The following KIRREL3 variants were observed in gnomAD, a reference collection of about 807,000 sequenced individuals.
KIRREL3 encodes kin of IRRE-like protein 3.
Under a neutral mutation model 89.7 loss-of-function variants are expected in KIRREL3, and 36 were observed. That is an observed-to-expected ratio of 0.40 (90% CI 0.31 to 0.53). KIRREL3 has a LOEUF of 0.53. Ranked by LOEUF, KIRREL3 falls within the 20% of genes least tolerant of loss-of-function variation. The probability of loss-of-function intolerance (pLI) is 0.49; values close to 1 mark genes in which losing one functional copy is unlikely to be tolerated. For missense variants in KIRREL3, 864 were observed against 1,056.6 expected (o/e 0.82, Z 2.53); for synonymous variants, 445 against 441.4 (o/e 1.01, Z -0.10).
chr11:126,588,870 G>T (rs747680668), intron 1 of KIRREL3, among the ~76,000 whole-genome samples: 5 of 152,166 alleles, frequency 3.3e-5, no homozygotes, highest in Non-Finnish European at 7.3e-5. Context: ...CAAGTGAGCT[G>T]AGGTGGGAAG....
At chr11:126,971,449 T>C (rs1949422150) in intron 1 of KIRREL3, among the ~76,000 whole-genome samples, 1 of 152,188 alleles carries the variant, frequency 6.6e-6, no homozygotes, top group Non-Finnish European at 1.5e-5. Context: ...AGGGTTTTTA[T>C]GTTCTGTTCG....
Position 126,486,199 on chromosome 11 carries a change from C to A in KIRREL3, c.434-12733G>T, listed in dbSNP as rs111678473. On this transcript the variant is annotated intron_variant, in intron 4 of 16. Coordinates refer to ENST00000525144, the MANE Select transcript of KIRREL3 (RefSeq NM_032531.4). This position sits in a 1 kb window ranked among gnomAD's most constrained non-coding sequence, Gnocchi z 6.2. ...CTCAAGCAGACCAGTGTGCCTGTGC[C>A]GGCTCCAGATGACAGAGGGTGCTAC... 6.6e-6 allele frequency among the ~76,000 whole-genome samples: 1 copy of A among 152,050 alleles called. No homozygotes were observed. Among genetic ancestry groups the A allele is most frequent in the African/African-American group, 2.4e-5 (1 of 41,382 alleles).
At position 126,568,725 on chromosome 11, in the gene KIRREL3, C is replaced by T. The variant is rs1404069229; in HGVS notation, c.56-5813G>A. 6.6e-6 allele frequency among the ~76,000 whole-genome samples: 1 copy of T among 152,136 alleles called. No individual in the cohort carries two copies. The highest frequency in any genetic ancestry group is 1.9e-4 in the East Asian group (1 of 5,186). ...ACGGTAAGACCCTCCTCACATGATT[C>T]ATATGAAAAGCAAATGAGCCAACAC... On this transcript the variant is annotated intron_variant, in intron 1 of 16. Coordinates refer to ENST00000525144, the MANE Select transcript of KIRREL3 (RefSeq NM_032531.4). The surrounding 1 kb of genome is among the most constrained non-coding windows in gnomAD (Gnocchi z 4.6).
chr11:126,804,310 C>T (rs1052564057), intron 1 of KIRREL3, among the ~76,000 whole-genome samples: 3 of 152,200 alleles, frequency 2.0e-5, no homozygotes, highest in African/African-American at 7.2e-5. Context: ...CTGAAGATGA[C>T]CTTTTCCTGG....
intron 4 of KIRREL3, among the ~76,000 whole-genome samples, chr11:126,479,155 C>T (rs1957157946): frequency 6.6e-6 from 1 of 152,120 alleles, no homozygotes; most frequent in Non-Finnish European, 1.5e-5. Context: ...GACCCAGGGG[C>T]TCTGGGAGAG....
chr11:126,827,843 C>T (rs573958045), intron 1 of KIRREL3, among the ~76,000 whole-genome samples: 1 of 152,230 alleles, frequency 6.6e-6, no homozygotes, highest in South Asian at 2.1e-4. Context: ...ATCTGAACTA[C>T]TCTGAAAGAG....
intron 1 of KIRREL3, among the ~76,000 whole-genome samples, chr11:126,679,182 T>G (rs1052385698): frequency 6.6e-6 from 1 of 152,292 alleles, no homozygotes; most frequent in Admixed American, 6.5e-5. Flanking sequence ...AAACGTAACA[T>G]GCCATGGATG....
chr11:126,542,345 A>C (rs1284109476), intron 2 of KIRREL3, among the ~76,000 whole-genome samples: 1 of 152,172 alleles, frequency 6.6e-6, no homozygotes. Flanking sequence ...ACCAAATACA[A>C]TCAACTCTTA....
intron 1 of KIRREL3, among the ~76,000 whole-genome samples, chr11:126,657,785 A>C (rs926222575): frequency 6.6e-6 from 1 of 152,218 alleles, no homozygotes; most frequent in African/African-American, 2.4e-5. Flanking sequence ...GTGTTCAGTC[A>C]CTGTAATGCT....
At chr11:126,777,246 A>T (rs973224818) in intron 1 of KIRREL3, among the ~76,000 whole-genome samples, 2 of 152,222 alleles carry the variant, frequency 1.3e-5, no homozygotes, top group Non-Finnish European at 2.9e-5. Context: ...TACAATGCAC[A>T]GCATGGTCCC....
At chr11:126,716,720 C>CTGAGTG (rs770232462) in intron 1 of KIRREL3, among the ~76,000 whole-genome samples, 39 of 103,480 alleles carry the variant, frequency 3.8e-4, no homozygotes, top group Non-Finnish European at 4.4e-4. Flanking sequence ...ATTTACTAGC[C>CTGAGTG]TGAGTGTGAG....
chr11:126,969,234 T>C lies in KIRREL3; in HGVS notation c.55+31221A>G, dbSNP rs1442452832. Among the ~76,000 whole-genome samples the C allele has an allele frequency of 6.6e-6, 1 of 152,130 alleles. No individual in the cohort carries two copies. Among genetic ancestry groups the C allele is most frequent in the Non-Finnish European group, 1.5e-5 (1 of 68,022 alleles). On this transcript the variant is annotated intron_variant, in intron 1 of 16. Transcript: ENST00000525144. The surrounding 1 kb of genome is among the most constrained non-coding windows in gnomAD (Gnocchi z 4.9). Reference sequence around the variant, plus strand: ...TCAAGGGGCGATTCACTCCATTTACTGACACAATAGACATGGAGTGCCTCC... The same window carrying C: ...TCAAGGGGCGATTCACTCCATTTACCGACACAATAGACATGGAGTGCCTCC...
chr11:126,560,006 G>A (rs1939995038), intron 2 of KIRREL3, among the ~76,000 whole-genome samples: 2 of 152,034 alleles, frequency 1.3e-5, no homozygotes, highest in African/African-American at 2.4e-5. Context: ...TATAGCTCCA[G>A]TGCTTAGAAC....
Position 126,937,120 on chromosome 11 carries a change from G to A in KIRREL3, c.55+63335C>T, listed in dbSNP as rs147786762. On this transcript the variant is annotated intron_variant, in intron 1 of 16. Coordinates refer to ENST00000525144, the MANE Select transcript of KIRREL3 (RefSeq NM_032531.4). ...ACACTTACATCAAGCAGAGACAATT[G>A]AAGCCACCAAGTTCAATCCAAGCAT... 8.7e-4 allele frequency: 133 copies of A among 152,178 alleles called. 1 individual carries two copies. Among genetic ancestry groups the A allele is most frequent in the African/African-American group, 3.1e-3 (129 of 41,510 alleles). The allele number at this position is 152,178 out of a possible 1,614,324, so 9.4% of individuals were successfully genotyped here. A position where few individuals can be genotyped will look rare whatever the true frequency, so the allele number is the denominator to read the frequency against.
At position 126,705,171 on chromosome 11, in the gene KIRREL3, G is replaced by A. The variant is rs1400690605; in HGVS notation, c.56-142259C>T. On this transcript the variant is annotated intron_variant, in intron 1 of 16. Coordinates refer to ENST00000525144, the MANE Select transcript of KIRREL3 (RefSeq NM_032531.4). This position sits in a 1 kb window ranked among gnomAD's most constrained non-coding sequence, Gnocchi z 4.3. ...CAAAGATGTCAGTCCTTTTCTACTCGTGCCAAAATTATAAACAGTTTATTT... is the reference window on the plus strand; with the variant it reads ...CAAAGATGTCAGTCCTTTTCTACTCATGCCAAAATTATAAACAGTTTATTT... Among the ~76,000 whole-genome samples the A allele has an allele frequency of 2.6e-5, 4 of 152,096 alleles. No homozygotes were observed. The highest frequency in any genetic ancestry group is 1.3e-4 in the Admixed American group (2 of 15,268).
In KIRREL3 at chr11:126,783,945, A is replaced by G. The variant is rs1950404287; in HGVS notation, c.55+216510T>C. Among the ~76,000 whole-genome samples, 1 of 152,246 alleles carries G rather than the reference A, an allele frequency of 6.6e-6. No individual in the cohort carries two copies. Among genetic ancestry groups the G allele is most frequent in the Non-Finnish European group, 1.5e-5 (1 of 68,048 alleles). On this transcript the variant is annotated intron_variant, in intron 1 of 16. Coordinates refer to ENST00000525144, the MANE Select transcript of KIRREL3 (RefSeq NM_032531.4). The surrounding 1 kb of genome is among the most constrained non-coding windows in gnomAD (Gnocchi z 4.3). ...ACACACCCTTGATAGGATACGATGG[A>G]AACAGCACTTGTCTTTGTGGTCTTC...
intron 1 of KIRREL3, among the ~76,000 whole-genome samples, chr11:126,792,410 C>A (rs889480114): frequency 6.6e-6 from 1 of 152,118 alleles, no homozygotes; most frequent in Non-Finnish European, 1.5e-5. Flanking sequence ...TAATTTGCCC[C>A]AAGTCACACA....
At chr11:126,825,148 C>T (rs1943362945) in intron 1 of KIRREL3, among the ~76,000 whole-genome samples, 1 of 152,148 alleles carries the variant, frequency 6.6e-6, no homozygotes, top group African/African-American at 2.4e-5. Context: ...GTACTTTCCA[C>T]CAACCAGTAG....
At chr11:126,967,197 G>C (rs768179099) in intron 1 of KIRREL3, among the ~76,000 whole-genome samples, 1 of 152,182 alleles carries the variant, frequency 6.6e-6, no homozygotes, top group Non-Finnish European at 1.5e-5. Context: ...CCTTTGTCCA[G>C]CTCTTCCTCT....
Sources: allele counts gnomAD v4.1 joint callset (sites outside exome capture counted in the v4.1 genomes callset), GRCh38; gene constraint gnomAD v4.1.1; non-coding constraint Gnocchi (gnomAD v3.1); transcripts MANE v1.5; gene names NCBI Gene and HGNC (gene_info 2026-07-23, HGNC 2026-07-21).